The following PKD1L1 variants were observed in gnomAD, a reference collection of about 807,000 sequenced individuals.
PKD1L1 encodes the protein polycystin 1 like 1, transient receptor potential channel interacting, also known as polycystin-1-like protein 1.
PKD1L1 carries 236 observed loss-of-function variants against 323.4 expected under a neutral mutation model. The ratio of observed to expected loss-of-function variants is 0.73; its 90% CI spans 0.66 to 0.81. The LOEUF (loss-of-function observed/expected upper bound fraction) is 0.81, where lower values mean the gene tolerates loss of function less well. Among genes scored for constraint, PKD1L1 ranks in the 40% least tolerant of loss-of-function variants. PKD1L1 has a pLI of 0.00. For synonymous variants in PKD1L1, 1,344 were observed against 1,335.0 expected (o/e 1.01, Z -0.15); for missense variants, 3,320 against 3,508.0 (o/e 0.95, Z 1.35).
intron 55 of PKD1L1, 93 bp downstream of exon 55, chr7:47,795,896 C>G (rs1784514774): frequency 5.7e-6 from 8 of 1,413,340 alleles, no homozygotes; most frequent in Non-Finnish European, 7.8e-6. Context: ...GAAACATACT[C>G]ATGCTTTGAT....
At chr7:47,960,395 CTGT>C in the PKD1L1 span, among the ~76,000 whole-genome samples, 1 of 62,434 alleles carries the variant, frequency 1.6e-5, no homozygotes, top group African/African-American at 5.4e-5. Context: ...AAAAAAAAAA[CTGT>C]AAAAAAGAAA....
At chr7:47,842,730 C>T (rs1785587458) in intron 34 of PKD1L1, among the ~76,000 whole-genome samples, 3 of 152,088 alleles carry the variant, frequency 2.0e-5, no homozygotes, top group Admixed American at 6.5e-5. Context: ...ACAGTGGAGA[C>T]AGAAGGAGAA....
intron 41 of PKD1L1, among the ~76,000 whole-genome samples, chr7:47,832,132 A>G (rs1785359717): frequency 1.3e-5 from 2 of 152,250 alleles, no homozygotes; most frequent in Non-Finnish European, 2.9e-5. Flanking sequence ...GGAAGCTGGT[A>G]TTAGGCAAAC....
At chr7:47,899,678 C>A (rs1356344642) in intron 13 of PKD1L1, among the ~76,000 whole-genome samples, 1 of 152,024 alleles carries the variant, frequency 6.6e-6, no homozygotes, top group East Asian at 1.9e-4. Context: ...AAGGGAAGGC[C>A]AGGCACGGTG....
intron 52 of PKD1L1, among the ~76,000 whole-genome samples, chr7:47,805,526 G>A (rs17659711): frequency 0.061 from 9,334 of 152,314 alleles, 421 homozygotes; most frequent in East Asian, 0.2. Context: ...GAACAGAGAC[G>A]GGTACATGAG....
intron 4 of PKD1L1, 125 bp from the exon 5 acceptor site, chr7:47,932,181 G>C: frequency 7.1e-7 from 1 of 1,412,064 alleles, no homozygotes; most frequent in East Asian, 2.3e-5. Flanking sequence ...TGCTGTGATT[G>C]CAGGCTCATT....
intron 56 of PKD1L1, among the ~76,000 whole-genome samples, chr7:47,778,331 G>A (rs1000230888): frequency 1.3e-5 from 2 of 152,150 alleles, no homozygotes; most frequent in African/African-American, 2.4e-5. Context: ...TTTTGACTCC[G>A]GGGCAAAGAC....
At chr7:47,955,483 CAT>C in the PKD1L1 span, among the ~76,000 whole-genome samples, 1 of 152,120 alleles carries the variant, frequency 6.6e-6, no homozygotes, top group Non-Finnish European at 1.5e-5. Flanking sequence ...TAAATGTCAG[CAT>C]ATACCTTCCT....
At position 47,915,443 on chromosome 7, in the gene PKD1L1, G is replaced by T; in HGVS notation, c.1217C>A (p.Ala406Asp). 1.1e-6 allele frequency: 1 copy of T among 925,964 alleles called. No homozygotes were observed. Among genetic ancestry groups the T allele is most frequent in the Non-Finnish European group, 1.8e-6 (1 of 551,194 alleles). 57.4% of individuals were successfully genotyped at this position (925,964 alleles called of 1,614,324 possible). A position where few individuals can be genotyped will look rare whatever the true frequency, so the allele number is the denominator to read the frequency against. ...PSNLGYELISAFVTKGVYMLK... is the reference protein window; with the variant it reads ...PSNLGYELISDFVTKGVYMLK... ...TTTTAAAAACATACTGGTGACAAAG[G>T]CAGAAATAAGCTCATATCCAAGGTT... The change falls in exon 8 of 57, where the codon GCC becomes GAC. Residue 406 changes from alanine to aspartate, a missense_variant. Physicochemically the swap from Ala to Asp is moderately radical, Grantham distance 126. Coordinates refer to ENST00000289672, the MANE Select transcript of PKD1L1 (RefSeq NM_138295.5).
intron 46 of PKD1L1, among the ~76,000 whole-genome samples, chr7:47,820,537 G>A (rs530441809): frequency 3.9e-5 from 6 of 152,170 alleles, no homozygotes; most frequent in East Asian, 1.9e-4. Context: ...CCAGCCTGAC[G>A]AACATGGTGA....
intron 33 of PKD1L1, 112 bp from the exon 34 acceptor site, chr7:47,843,281 C>CTGA: frequency 1.2e-6 from 1 of 803,792 alleles, no homozygotes; most frequent in Non-Finnish European, 1.9e-6. Flanking sequence ...CTGGGCTTCA[C>CTGA]TGATACATTT....
At chr7:47,827,503 G>C in intron 44 of PKD1L1, 35 bp from the exon 45 acceptor site, 8 of 1,564,314 alleles carry the variant, frequency 5.1e-6, no homozygotes, top group Non-Finnish European at 6.9e-6. Flanking sequence ...GCTGCGGGCT[G>C]GTGGGTGGAA....
rs1786641122 is a variant in PKD1L1, at chr7:47,884,629, T to C, written c.3234A>G (p.Gln1078=). 5.6e-6 allele frequency: 9 copies of C among 1,614,028 alleles called. No individual in the cohort carries two copies. Among genetic ancestry groups the C allele is most frequent in the Non-Finnish European group, 6.8e-6 (8 of 1,179,872 alleles). The change falls in exon 19 of 57, where the codon CAA becomes CAG. Residue 1078 remains glutamine (Q), a synonymous_variant. Transcript: ENST00000289672. ...SDFEAYYSDI[Q]EAIPSGGRQP... Reference sequence around the variant, plus strand: ...GTCTTCCTCCCGATGGTATTGCTTCTTGAATGTCACTGTAATAGGCTTCAA... The same window carrying C: ...GTCTTCCTCCCGATGGTATTGCTTCCTGAATGTCACTGTAATAGGCTTCAA...
the PKD1L1 span, among the ~76,000 whole-genome samples, chr7:47,960,377 TA>T: frequency 3.7e-3 from 332 of 89,530 alleles, 6 homozygotes; most frequent in East Asian, 0.011. Context: ...AAAAAAAAAT[TA>T]AAAAAAAAAA....
chr7:47,922,330 C>G (rs1348225584), intron 7 of PKD1L1, among the ~76,000 whole-genome samples: 1 of 152,232 alleles, frequency 6.6e-6, no homozygotes, highest in Non-Finnish European at 1.5e-5. Flanking sequence ...TGCCCTGCCA[C>G]TACCCCGTCT....
chr7:47,838,295 G>A (rs188567109), intron 36 of PKD1L1, among the ~76,000 whole-genome samples: 683 of 152,322 alleles, frequency 4.5e-3, no homozygotes, highest in African/African-American at 0.014. Context: ...GCAACAGGGC[G>A]GGTTGGAAAG....
chr7:47,786,679 C>T (rs1786814715), intron 56 of PKD1L1, among the ~76,000 whole-genome samples: 1 of 152,244 alleles, frequency 6.6e-6, no homozygotes, highest in Non-Finnish European at 1.5e-5. Flanking sequence ...AGGAAAAACC[C>T]TTCTGACATC....
intron 45 of PKD1L1, among the ~76,000 whole-genome samples, chr7:47,826,299 G>A (rs182686356): frequency 2.7e-4 from 41 of 152,210 alleles, no homozygotes; most frequent in African/African-American, 9.9e-4. Flanking sequence ...ATTTTGTTGT[G>A]CATGTTTTCT....
intron 56 of PKD1L1, among the ~76,000 whole-genome samples, chr7:47,792,219 A>T (rs1786966038): frequency 6.6e-6 from 1 of 152,154 alleles, no homozygotes; most frequent in Admixed American, 6.5e-5. Flanking sequence ...TGCTCTTGGA[A>T]ATGGTAGCAT....
Sources: allele counts gnomAD v4.1 joint callset (sites outside exome capture counted in the v4.1 genomes callset), GRCh38; gene constraint gnomAD v4.1.1; transcripts MANE v1.5; gene names NCBI Gene and HGNC (gene_info 2026-07-23, HGNC 2026-07-21).